The following ADAMTSL1 variants were observed in gnomAD, a reference collection of about 807,000 sequenced individuals.
ADAMTSL1 encodes the protein ADAMTS-like protein 1.
ADAMTSL1 carries 126 observed loss-of-function variants against 201.8 expected under a neutral mutation model. That is an observed-to-expected ratio of 0.62 (90% confidence interval 0.54 to 0.72). ADAMTSL1 has a LOEUF of 0.72. ADAMTSL1 is among the 30% of genes least tolerant of loss of function. The pLI is 0.00. For synonymous variants in ADAMTSL1, 1,121 were observed against 903.4 expected, an observed-to-expected ratio of 1.24 and a Z score of -4.32; for missense variants, 2,679 against 2,277.8, an observed-to-expected ratio of 1.18 and a Z score of -3.59.
intron 1 of ADAMTSL1, among the ~76,000 whole-genome samples, chr9:18,087,327 T>C (rs771662005): frequency 1.3e-5 from 2 of 152,130 alleles, no homozygotes; most frequent in Non-Finnish European, 2.9e-5. Context: ...GAAAACAAAC[T>C]GTTCATTTTT....
chr9:17,925,948 C>T (rs558636184), intron 1 of ADAMTSL1, among the ~76,000 whole-genome samples: 6 of 152,008 alleles, frequency 3.9e-5, no homozygotes, highest in South Asian at 4.2e-4. Context: ...TCTCCCCAAG[C>T]GCAATGTAGC....
At chr9:18,012,167 C>A (rs1015151813) in intron 1 of ADAMTSL1, among the ~76,000 whole-genome samples, 1 of 152,038 alleles carries the variant, frequency 6.6e-6, no homozygotes, top group African/African-American at 2.4e-5. Flanking sequence ...ATGGCAGTGT[C>A]TCCCCAAGAA....
At chr9:18,227,578 T>C (rs1000037391) in intron 2 of ADAMTSL1, among the ~76,000 whole-genome samples, 1 of 152,204 alleles carries the variant, frequency 6.6e-6, no homozygotes, top group African/African-American at 2.4e-5. Context: ...CTATGCAAGA[T>C]GGCCATTTGT....
chr9:18,736,705 T>C (rs1818518068), intron 15 of ADAMTSL1, among the ~76,000 whole-genome samples: 1 of 152,224 alleles, frequency 6.6e-6, no homozygotes, highest in African/African-American at 2.4e-5. Context: ...CCATGGATTA[T>C]ATTCCTTTCT....
intron 2 of ADAMTSL1, among the ~76,000 whole-genome samples, chr9:18,529,490 C>T (rs1320278533): frequency 3.9e-5 from 6 of 152,168 alleles, no homozygotes; most frequent in Admixed American, 3.9e-4. Flanking sequence ...CTTTAAGCCT[C>T]AGCTTTCTCT....
At chr9:18,666,308 G>A (rs1829427146) in intron 9 of ADAMTSL1, among the ~76,000 whole-genome samples, 1 of 152,158 alleles carries the variant, frequency 6.6e-6, no homozygotes, top group African/African-American at 2.4e-5. Flanking sequence ...TATAAGGGAA[G>A]TGAAGAGAAA....
At chr9:18,893,994 C>T (rs1829457329) in intron 26 of ADAMTSL1, among the ~76,000 whole-genome samples, 1 of 152,114 alleles carries the variant, frequency 6.6e-6, no homozygotes, top group Non-Finnish European at 1.5e-5. Flanking sequence ...CCCATATAAG[C>T]ATGTGTGAAG....
At chr9:18,245,740 G>A (rs911191969) in intron 2 of ADAMTSL1, among the ~76,000 whole-genome samples, 2 of 150,416 alleles carry the variant, frequency 1.3e-5, no homozygotes, top group African/African-American at 2.5e-5. Context: ...TTAACAAAAA[G>A]CAAAGGAATC....
intron 3 of ADAMTSL1, among the ~76,000 whole-genome samples, chr9:18,536,554 C>T (rs1819788849): frequency 6.6e-6 from 1 of 151,740 alleles, no homozygotes; most frequent in African/African-American, 2.4e-5. Context: ...ATAATGTTTG[C>T]ATAGTTCTCA....
At chr9:18,219,172 T>G (rs984009723) in intron 2 of ADAMTSL1, among the ~76,000 whole-genome samples, 3 of 151,822 alleles carry the variant, frequency 2.0e-5, no homozygotes, top group African/African-American at 7.2e-5. Flanking sequence ...TTTTCAAACT[T>G]GTCTGATTTT....
chr9:18,014,600 C>A (rs1299868927), intron 1 of ADAMTSL1, among the ~76,000 whole-genome samples: 2 of 152,192 alleles, frequency 1.3e-5, no homozygotes, highest in South Asian at 4.1e-4. Context: ...CAAAAGACTG[C>A]AGGCTGAAGT....
intron 1 of ADAMTSL1, among the ~76,000 whole-genome samples, chr9:18,010,894 A>G (rs1016127583): frequency 6.6e-6 from 1 of 152,036 alleles, no homozygotes; most frequent in African/African-American, 2.4e-5. Context: ...ATATATAGTT[A>G]CTTTGTGCAC....
At chr9:18,224,619 T>C (rs12004105) in intron 2 of ADAMTSL1, among the ~76,000 whole-genome samples, 6,112 of 152,214 alleles carry the variant, frequency 0.04, 390 homozygotes, top group African/African-American at 0.14. Flanking sequence ...GCATCAACTT[T>C]AAAGTCCAAG....
intron 23 of ADAMTSL1, among the ~76,000 whole-genome samples, chr9:18,863,790 T>C (rs1039535455): frequency 2.0e-5 from 3 of 152,186 alleles, no homozygotes; most frequent in Non-Finnish European, 4.4e-5. Flanking sequence ...AGTCACCCCA[T>C]GGCCTTAGAG....
In ADAMTSL1 at chr9:18,775,826, C is replaced by G. The variant is rs1489314763; in HGVS notation, c.2481C>G (p.Val827=). The part of the protein sequence containing the change: ...KMLKTGLSTV[V]NSTLCPPLPF... ...TGAAAACCGGCCTCTCAACGGTTGT[C>G]AATTCCACCCTGTGCCCGCCCCTGC... The change falls in exon 18 of 29, where the codon GTC becomes GTG. Residue 827 remains valine, a synonymous_variant. Coordinates refer to ENST00000380548, the MANE Select transcript of ADAMTSL1 (RefSeq NM_001040272.6). The G allele has an allele frequency of 6.2e-7, 1 of 1,608,376 alleles. No homozygotes were observed. The highest frequency in any genetic ancestry group is 2.2e-5 in the East Asian group (1 of 44,722).
intron 2 of ADAMTSL1, among the ~76,000 whole-genome samples, chr9:18,415,695 A>G (rs1411196369): frequency 1.3e-5 from 2 of 152,094 alleles, no homozygotes; most frequent in Non-Finnish European, 2.9e-5. Flanking sequence ...ATATTCAAGA[A>G]TCTCAACAAA....
intron 8 of ADAMTSL1, among the ~76,000 whole-genome samples, chr9:18,660,882 T>C (rs933131249): frequency 6.6e-6 from 1 of 152,102 alleles, no homozygotes. Flanking sequence ...AGCCAGGAAA[T>C]CTGGCTCATA....
intron 2 of ADAMTSL1, among the ~76,000 whole-genome samples, chr9:18,344,359 G>A (rs1835603802): frequency 6.6e-6 from 1 of 151,646 alleles, no homozygotes; most frequent in Non-Finnish European, 1.5e-5. Flanking sequence ...ATCTCGTTAT[G>A]TTGTCCAGGC....
At position 18,325,758 on chromosome 9, in the gene ADAMTSL1, T is replaced by TG. The variant is rs529300241; in HGVS notation, c.207+161778dup. On this transcript the variant is annotated intron_variant, in intron 2 of 29. Coordinates refer to the ADAMTSL1 transcript ENST00000680146. ...AAAGGACCTTTGTTTTTTTTTTTTT[T>TG]GAAACAGAGTTTTGCTCTTTGGCTT... Among the ~76,000 whole-genome samples, 780 of 151,904 alleles carry TG rather than the reference T, an allele frequency of 5.1e-3. 9 individuals are homozygous for TG. Among genetic ancestry groups the TG allele is most frequent in the African/African-American group, 0.018 (753 of 41,336 alleles).
Sources: allele counts gnomAD v4.1 joint callset (sites outside exome capture counted in the v4.1 genomes callset), GRCh38; gene constraint gnomAD v4.1.1; transcripts MANE v1.5; gene names NCBI Gene and HGNC (gene_info 2026-07-23, HGNC 2026-07-21).